The following KIZ variants were observed in gnomAD, a reference collection of about 807,000 sequenced individuals.
The protein encoded by KIZ is kizuna centrosomal protein.
Under a neutral mutation model 79.6 loss-of-function variants are expected in KIZ, and 68 were observed. The observed-to-expected ratio is 0.85, with a 90% confidence interval of 0.70 to 1.05. KIZ has a LOEUF of 1.05. Among genes scored for constraint, KIZ ranks in the 50% least tolerant of loss-of-function variants. The pLI is 0.00. For synonymous variants in KIZ, 280 were observed against 281.8 expected (o/e 0.99, Z 0.06); for missense variants, 797 against 800.4 (o/e 1.00, Z 0.05).
chr20:21,147,186 A>G (rs1038791927), intron 4 of KIZ, among the ~76,000 whole-genome samples: 1 of 152,036 alleles, frequency 6.6e-6, no homozygotes, highest in Non-Finnish European at 1.5e-5. Flanking sequence ...GTAGTTGTGG[A>G]GTCTCCTTTT....
intron 6 of KIZ, among the ~76,000 whole-genome samples, chr20:21,173,254 T>C (rs2034293675): frequency 6.6e-6 from 1 of 152,016 alleles, no homozygotes. Flanking sequence ...TAAGAAGTGG[T>C]CAGATTCTGG....
chr20:21,152,431 A>C (rs4813413), intron 4 of KIZ, among the ~76,000 whole-genome samples: 85,879 of 151,934 alleles, frequency 0.57, 26,258 homozygotes, highest in South Asian at 0.78. Flanking sequence ...CAAATCCCTC[A>C]GAATTATAGA....
intron 7 of KIZ, among the ~76,000 whole-genome samples, chr20:21,212,470 T>C (rs1229682564): frequency 6.6e-6 from 1 of 152,232 alleles, no homozygotes; most frequent in African/African-American, 2.4e-5. Flanking sequence ...TAGTGTTAAA[T>C]GATTTTACTC....
At chr20:21,146,041 C>T (rs2032828523) in intron 4 of KIZ, among the ~76,000 whole-genome samples, 1 of 152,064 alleles carries the variant, frequency 6.6e-6, no homozygotes. Context: ...TTAACCTTTG[C>T]ACAGAAAACG....
At chr20:21,196,084 G>A (rs1437602636) in intron 6 of KIZ, 2 of 152,310 alleles carry the variant, frequency 1.3e-5, no homozygotes, top group African/African-American at 4.8e-5. Flanking sequence ...CTAACCCTCT[G>A]AAAAACACTG....
intron 3 of KIZ, among the ~76,000 whole-genome samples, chr20:21,137,474 CTTT>C (rs34442176): frequency 5.1e-5 from 7 of 136,492 alleles, no homozygotes; most frequent in Admixed American, 7.4e-5. Context: ...GCCCCCCTAC[CTTT>C]TTTTTTTTTT....
At position 21,214,629 on chromosome 20, in the gene KIZ, T is replaced by C; in HGVS notation, c.1541T>C (p.Leu514Pro). 1 of 1,612,664 alleles carries C rather than the reference T, an allele frequency of 6.2e-7. No individual in the cohort carries two copies. The change falls in exon 8 of 13, where the codon CTG (leucine) becomes CCG (proline). Residue 514 changes from leucine (L) to proline (P), a missense_variant. By Grantham distance (98) the Leu-to-Pro change is moderately conservative. Transcript: ENST00000619189. ...TCATCTTGCAGCTTGCCATCTATTC[T>C]GAATGACAATAGTGGAATAAAGGAA... ...SESSCSLPSI[L>P]NDNSGIKEAK...
chr20:21,221,959 ATTAC>A (rs1332410794), intron 9 of KIZ, among the ~76,000 whole-genome samples: 1 of 152,074 alleles, frequency 6.6e-6, no homozygotes, highest in Admixed American at 6.5e-5. Flanking sequence ...GTCAAGACAT[ATTAC>A]CTGTTGTGCC....
rs143836992 is a variant in KIZ, at chr20:21,227,180, C to T, written c.1679-1831C>T. Among the ~76,000 whole-genome samples, 463 of 152,226 alleles carry T rather than the reference C, an allele frequency of 3.0e-3. 2 individuals are homozygous for T. Among genetic ancestry groups the T allele is most frequent in the African/African-American group, 0.011 (446 of 41,536 alleles). Reference sequence around the variant, plus strand: ...CCTGTTTGGGCAGAATGCTTAATCCCCCCCAAATCTGAAATTACCTCAGGA... The same window carrying T: ...CCTGTTTGGGCAGAATGCTTAATCCTCCCCAAATCTGAAATTACCTCAGGA... On this transcript the variant is annotated intron_variant, in intron 9 of 12. Transcript: ENST00000619189.
intron 7 of KIZ, among the ~76,000 whole-genome samples, chr20:21,210,871 A>T (rs1015829134): frequency 6.6e-6 from 1 of 151,660 alleles, no homozygotes; most frequent in African/African-American, 2.4e-5. Flanking sequence ...CTACCTATTT[A>T]TTAGCTATTT....
chr20:21,136,592 GT>G (rs2032203995), intron 3 of KIZ, 40 bp downstream of exon 3: 41 of 1,359,884 alleles, frequency 3.0e-5, no homozygotes, highest in Admixed American at 6.3e-5. Flanking sequence ...TTTATTTGTT[GT>G]TGTGTGTTTT....
chr20:21,182,902 G>A (rs767767802), intron 6 of KIZ, among the ~76,000 whole-genome samples: 1 of 151,470 alleles, frequency 6.6e-6, no homozygotes, highest in African/African-American at 2.4e-5. Context: ...ATGTGCTCAA[G>A]AGCTATACAA....
intron 1 of KIZ, among the ~76,000 whole-genome samples, chr20:21,128,115 C>T (rs1163899858): frequency 3.3e-5 from 5 of 152,138 alleles, no homozygotes; most frequent in African/African-American, 9.7e-5. Context: ...CAGGTTCAAG[C>T]GATTGTCCTG....
chr20:21,194,650 C>G (rs181218414), intron 6 of KIZ: 3 of 152,232 alleles, frequency 2.0e-5, no homozygotes, highest in Admixed American at 2.0e-4. Flanking sequence ...ATTGATCACC[C>G]AGTACCAAGG....
At chr20:21,195,749 C>G (rs1041089901) in intron 6 of KIZ, 2 of 152,170 alleles carry the variant, frequency 1.3e-5, no homozygotes, top group African/African-American at 4.8e-5. Context: ...ACAAAACTTG[C>G]AATTATAAAC....
At chr20:21,230,776 T>A (rs2036809144) in intron 10 of KIZ, among the ~76,000 whole-genome samples, 1 of 152,228 alleles carries the variant, frequency 6.6e-6, no homozygotes, top group South Asian at 2.1e-4. Flanking sequence ...GCCTCTGTCC[T>A]GATGGAGGTT....
intron 3 of KIZ, among the ~76,000 whole-genome samples, chr20:21,140,600 G>T (rs1292014988): frequency 1.3e-5 from 2 of 152,136 alleles, no homozygotes; most frequent in Non-Finnish European, 2.9e-5. Flanking sequence ...ATATTGACGT[G>T]TTATGTAGTT....
chr20:21,146,892 C>T (rs929488555), intron 4 of KIZ, among the ~76,000 whole-genome samples: 1 of 151,934 alleles, frequency 6.6e-6, no homozygotes, highest in Non-Finnish European at 1.5e-5. Context: ...ACACCAAGCC[C>T]CAGCAACCTT....
intron 11 of KIZ, among the ~76,000 whole-genome samples, chr20:21,240,912 G>A (rs1191635734): frequency 3.3e-5 from 5 of 152,090 alleles, no homozygotes; most frequent in East Asian, 1.9e-4. Context: ...GAGTAGTTGC[G>A]GCAGACCATA....
Sources: gnomAD v4.1 joint callset for allele counts (sites outside exome capture counted in the v4.1 genomes callset) on GRCh38, gnomAD v4.1.1 for gene constraint, MANE v1.5 for transcripts, NCBI Gene and HGNC (gene_info 2026-07-23, HGNC 2026-07-21) for gene names.